HRAS: variants seen among roughly 807,000 people sequenced by gnomAD.
HRAS encodes the protein GTPase HRas.
HRAS carries 11 observed loss-of-function variants against 19.8 expected under a neutral mutation model. That is an observed-to-expected ratio of 0.55 (90% confidence interval 0.35 to 0.92). HRAS has a LOEUF of 0.92. Among genes scored for constraint, HRAS ranks in the 40% least tolerant of loss-of-function variants. The pLI, the probability that HRAS is intolerant of heterozygous loss-of-function variation, is 0.01. For missense variants in HRAS, 204 were observed against 255.9 expected, an observed-to-expected ratio of 0.80 and a Z score of 1.38; for synonymous variants, 149 against 105.5, an observed-to-expected ratio of 1.41 and a Z score of -2.52.
chr11:535,229 C>A (rs992176642), intron 1 of HRAS, 187 bp downstream of exon 1: 6 of 149,772 alleles, frequency 4.0e-5, no homozygotes, highest in South Asian at 1.8e-4. Flanking sequence ...GGGGCCCCCG[C>A]CCGCCGCAGC....
intron 4 of HRAS, among the ~76,000 whole-genome samples, 199 bp from the exon 5 acceptor site, chr11:532,954 C>T (rs1026931377): frequency 2.0e-5 from 3 of 152,224 alleles, no homozygotes; most frequent in Non-Finnish European, 2.9e-5. Context: ...CATGCTACAG[C>T]AGCCCCTCAA....
rs1324657141 is a variant in HRAS, at chr11:532,639, G to A, written c.567C>T (p.Ser189=). The A allele has an allele frequency of 6.2e-7, 1 of 1,611,588 alleles. No homozygotes were observed. Among genetic ancestry groups the A allele is most frequent in the African/African-American group, 1.3e-5 (1 of 75,052 alleles). Residue 189 remains serine (S), a synonymous_variant, in exon 5 of 6, where the codon TCC becomes TCT. Coordinates refer to ENST00000311189, the MANE Select transcript of HRAS (RefSeq NM_005343.4). ...PGCMSCKCVL[S] is the part of the protein sequence containing the mutation. Reference sequence around the variant, plus strand: ...CTGGGAGTCCCCCTCACCTGCGTCAGGAGAGCACACACTTGCAGCTCATGC... The same window carrying A: ...CTGGGAGTCCCCCTCACCTGCGTCAAGAGAGCACACACTTGCAGCTCATGC...
intron 3 of HRAS, 55 bp downstream of exon 3, chr11:533,711 C>T (rs546681610): frequency 5.0e-6 from 8 of 1,611,344 alleles, no homozygotes; most frequent in African/African-American, 2.7e-5. Context: ...TGGACGCAGC[C>T]GGCCTGGCCC....
intron 1 of HRAS, among the ~76,000 whole-genome samples, chr11:534,954 G>A (rs1411076489): frequency 6.6e-6 from 1 of 152,258 alleles, no homozygotes; most frequent in African/African-American, 2.4e-5. Context: ...TGGGAAGCAG[G>A]GACTGAGCGA....
intron 4 of HRAS, 22 bp from the exon 5 acceptor site, chr11:532,777 C>T: frequency 2.5e-6 from 4 of 1,610,806 alleles, no homozygotes; most frequent in Non-Finnish European, 3.4e-6. Flanking sequence ...GGGATGGGAT[C>T]AGGAGGGACC....
chr11:534,049 C>T (rs1157881669), intron 2 of HRAS, 105 bp from the exon 3 acceptor site: 3 of 1,340,930 alleles, frequency 2.2e-6, no homozygotes, highest in African/African-American at 2.9e-5. Flanking sequence ...GCCCCCTCCT[C>T]TCCTGGGGTG....
Position 532,396 on chromosome 11 carries a change from G to A in HRAS, c.*132C>T, listed in dbSNP as rs1469569281. Reference sequence around the variant, plus strand: ...CCCTGGGAGGGTCTGCAGTCACCTCGGCCCACGGTCCCGGGGTGACTGGGC... The same window carrying A: ...CCCTGGGAGGGTCTGCAGTCACCTCAGCCCACGGTCCCGGGGTGACTGGGC... On this transcript the variant is annotated 3_prime_UTR_variant, in exon 6 of 6. Transcript: ENST00000311189. 7 of 607,532 alleles carry A rather than the reference G, an allele frequency of 1.2e-5. No homozygotes were observed. Among genetic ancestry groups the A allele is most frequent in the East Asian group, 8.4e-5 (3 of 35,622 alleles). 37.6% of individuals were successfully genotyped at this position (607,532 alleles called of 1,614,324 possible).
In HRAS at chr11:533,746, G is replaced by A. The variant is rs945960704; in HGVS notation, c.290+20C>T. On this transcript the variant is annotated intron_variant, in intron 3 of 5. Coordinates refer to ENST00000311189, the MANE Select transcript of HRAS (RefSeq NM_005343.4). ...CCACCTGTGCGGCGTGGGCTCCCGG[G>A]CCAGCCTCACGGGGTTCACCTGTAC... 6.2e-7 allele frequency: 1 copy of A among 1,612,926 alleles called. No individual in the cohort carries two copies. Among genetic ancestry groups the A allele is most frequent in the African/African-American group, 1.3e-5 (1 of 74,922 alleles).
At position 533,864 on chromosome 11, in the gene HRAS, G is replaced by A. The variant is rs2133990881; in HGVS notation, c.192C>T (p.Tyr64=). The A allele has an allele frequency of 6.2e-7, 1 of 1,613,310 alleles. No homozygotes were observed. The highest frequency in any genetic ancestry group is 8.5e-7 in the Non-Finnish European group (1 of 1,179,982). ...DILDTAGQEE[Y]SAMRDQYMRT... is the part of the protein sequence containing the mutation. ...GCATGTACTGGTCCCGCATGGCGCT[G>A]TACTCCTCCTGGCCGGCGGTATCCA... The change falls in exon 3 of 6, where the codon TAC becomes TAT. Residue 64 remains tyrosine (Y), a synonymous_variant. Coordinates refer to ENST00000311189, the MANE Select transcript of HRAS (RefSeq NM_005343.4).
chr11:532,742 G>T lies in HRAS; in HGVS notation c.464C>A (p.Ala155Asp), dbSNP rs1269551105. 6.2e-7 allele frequency: 1 copy of T among 1,612,828 alleles called. No individual in the cohort carries two copies. Among genetic ancestry groups the T allele is most frequent in the Non-Finnish European group, 8.5e-7 (1 of 1,179,996 alleles). ...SAKTRQGVED[A>D]FYTLVREIRQ... ...GATCTCACGCACCAACGTGTAGAAG[G>T]CATCCTCCACTCCCTGGGAAAGGAG... is the stretch of plus-strand genomic sequence containing the variant. The change falls in exon 5 of 6, where the codon GCC becomes GAC. Residue 155 changes from alanine to aspartate, a missense_variant. Coordinates refer to ENST00000311189, the MANE Select transcript of HRAS (RefSeq NM_005343.4).
intron 5 of HRAS, 48 bp from the exon 6 acceptor site, chr11:532,570 CAGGGGCGGGG>C: frequency 3.2e-6 from 5 of 1,575,962 alleles, no homozygotes; most frequent in Non-Finnish European, 4.3e-6. Flanking sequence ...AGGAGACCGG[CAGGGGCGGGG>C]AGCCGGGGTC....
intron 5 of HRAS, 37 bp downstream of exon 5, chr11:532,594 C>G: frequency 6.3e-7 from 1 of 1,595,834 alleles, no homozygotes. Flanking sequence ...CGGGGTCATC[C>G]GGTGGGCGTG....
intron 4 of HRAS, 122 bp from the exon 5 acceptor site, chr11:532,877 C>T (rs1225041254): frequency 2.1e-6 from 2 of 935,736 alleles, no homozygotes; most frequent in Non-Finnish European, 3.4e-6. Context: ...CAGCCACTTC[C>T]CCAGGCCCAC....
rs1003078505 is a variant in HRAS, at chr11:532,265, G to T, written c.*263C>A. Reference sequence around the variant, plus strand: ...GATCAAGACCATCCAATAATTTACTGTGATCCCATCTGTGCCCGACAAGGG... The same window carrying T: ...GATCAAGACCATCCAATAATTTACTTTGATCCCATCTGTGCCCGACAAGGG... On this transcript the variant is annotated 3_prime_UTR_variant, in exon 6 of 6. Transcript: ENST00000311189. The T allele has an allele frequency of 6.9e-6, 3 of 433,620 alleles. No individual in the cohort carries two copies. Among genetic ancestry groups the T allele is most frequent in the Admixed American group, 7.2e-5 (2 of 27,798 alleles). 26.9% of individuals were successfully genotyped at this position (433,620 alleles called of 1,614,324 possible).
intron 1 of HRAS, 163 bp from the exon 2 acceptor site, chr11:534,538 G>A (rs920746073): frequency 2.9e-5 from 17 of 596,392 alleles, no homozygotes; most frequent in Admixed American, 3.0e-5. Flanking sequence ...GCAACCCAGC[G>A]TGCGGGAGGG....
intron 1 of HRAS, among the ~76,000 whole-genome samples, chr11:534,984 G>A (rs886363929): frequency 1.3e-5 from 2 of 152,210 alleles, no homozygotes; most frequent in Non-Finnish European, 2.9e-5. Flanking sequence ...GCCGAGAAGC[G>A]GCGCGGGAGA....
At position 532,656 on chromosome 11, in the gene HRAS, A is replaced by G; in HGVS notation, c.550T>C (p.Cys184Arg). ...CTGCGTCAGGAGAGCACACACTTGC[A>G]GCTCATGCAGCCGGGGCCACTCTCA... ...PDESGPGCMS[C>R]KCVLS Residue 184 changes from cysteine (C) to arginine (R), a missense_variant, in exon 5 of 6, where the codon TGC becomes CGC. Cys to Arg is a radical substitution (Grantham distance 180). This residue lies in a region of HRAS where 142 missense variants were observed against 141.1 expected (regional missense o/e 1.01). Coordinates refer to ENST00000311189, the MANE Select transcript of HRAS (RefSeq NM_005343.4). The G allele has an allele frequency of 6.2e-7, 1 of 1,612,558 alleles. No individual in the cohort carries two copies. Among genetic ancestry groups the G allele is most frequent in the Non-Finnish European group, 8.5e-7 (1 of 1,179,958 alleles).
At chr11:533,665 C>T (rs1851261263) in intron 3 of HRAS, 53 bp from the exon 4 acceptor site, 1 of 1,612,654 alleles carries the variant, frequency 6.2e-7, no homozygotes, top group African/African-American at 1.3e-5. Flanking sequence ...GCAGCGGCAT[C>T]CAGGACATGC....
At chr11:532,802 T>A (rs113152660) in intron 4 of HRAS, 47 bp from the exon 5 acceptor site, 2 of 1,591,260 alleles carry the variant, frequency 1.3e-6, no homozygotes, top group African/African-American at 2.7e-5. Context: ...TGTGGCCGCC[T>A]GCCTGGGTGA....
Sources: allele counts gnomAD v4.1 joint callset (sites outside exome capture counted in the v4.1 genomes callset), GRCh38; gene constraint gnomAD v4.1.1; regional missense constraint gnomAD v4.1.1; transcripts MANE v1.5; gene names NCBI Gene and HGNC (gene_info 2026-07-23, HGNC 2026-07-21).